The following APC variants were observed in gnomAD, a reference collection of about 807,000 sequenced individuals.
The protein encoded by APC is adenomatous polyposis coli protein.
Under a neutral mutation model 247.0 loss-of-function variants are expected in APC, and 72 were observed. The observed-to-expected ratio is 0.29, with a 90% CI of 0.24 to 0.35. The LOEUF (loss-of-function observed/expected upper bound fraction) is 0.35, where lower values mean the gene tolerates loss of function less well. APC is among the 10% of genes least tolerant of loss of function. The pLI, the probability that APC is intolerant of heterozygous loss-of-function variation, is 1.00. For missense variants in APC, 3,400 were observed against 3,360.7 expected (o/e 1.01, Z -0.29); for synonymous variants, 1,254 against 1,162.5 (o/e 1.08, Z -1.60).
intron 11 of APC, among the ~76,000 whole-genome samples, chr5:112,825,172 G>C (rs1012427584): frequency 6.6e-6 from 1 of 152,074 alleles, no homozygotes; most frequent in African/African-American, 2.4e-5. Flanking sequence ...CTTATCCCCT[G>C]CAAATAGCAA....
rs2149872897 is a variant in APC at position 112,838,174 on chromosome 5, A to G, written c.2580A>G (p.Leu860=). 1 of 1,614,198 alleles carries G rather than the reference A, an allele frequency of 6.2e-7. No homozygotes were observed. The highest frequency in any genetic ancestry group is 1.1e-5 in the South Asian group (1 of 91,082). The change falls in exon 16 of 16, where the codon CTA becomes CTG. Residue 860 remains leucine (L), a synonymous_variant. Transcript: ENST00000257430. ...RSLERERGIG[L]GNYHPATENP... ...TGGAGAGAGAACGCGGAATTGGTCT[A>G]GGCAACTACCATCCAGCAACAGAAA...
intron 6 of APC, among the ~76,000 whole-genome samples, 186 bp from the exon 7 acceptor site, chr5:112,792,256 GAAAA>G (rs1222298256): frequency 7.3e-5 from 11 of 151,376 alleles, no homozygotes; most frequent in African/African-American, 2.7e-4. Context: ...GAAAAAAAAA[GAAAA>G]AAAGAAAAGA....
intron 1 of APC, 146 bp downstream of exon 1, chr5:112,738,071 C>G (rs1474957205): frequency 2.0e-6 from 1 of 498,310 alleles, no homozygotes; most frequent in African/African-American, 2.1e-5. Context: ...CGTCGTCCCC[C>G]CGCCCCCCAC....
At chr5:112,766,114 A>T (rs1158430578) in intron 2 of APC, among the ~76,000 whole-genome samples, 3 of 151,894 alleles carry the variant, frequency 2.0e-5, no homozygotes, top group African/African-American at 7.2e-5. Context: ...TTGCACAGAG[A>T]CTCCCCATAA....
intron 6 of APC, among the ~76,000 whole-genome samples, chr5:112,787,267 T>G (rs928986882): frequency 1.3e-5 from 2 of 152,204 alleles, no homozygotes; most frequent in East Asian, 3.8e-4. Flanking sequence ...CAGTAAAACT[T>G]AATTTATAAA....
chr5:112,799,481 C>T (rs912837222), intron 7 of APC, among the ~76,000 whole-genome samples: 1 of 152,116 alleles, frequency 6.6e-6, no homozygotes, highest in African/African-American at 2.4e-5. Context: ...GTCACTGCTT[C>T]CCTAGTGCAT....
At chr5:112,720,841 C>T (rs1751443704) in intron 1 of APC, among the ~76,000 whole-genome samples, 3 of 152,120 alleles carry the variant, frequency 2.0e-5, no homozygotes, top group African/African-American at 4.8e-5. Flanking sequence ...CTATAATAAG[C>T]TGCTCTGGTA....
upstream of APC, among the ~76,000 whole-genome samples, chr5:112,734,329 C>G (rs187943582): frequency 9.2e-5 from 14 of 152,302 alleles, no homozygotes; most frequent in Admixed American, 8.5e-4. Flanking sequence ...TCACCTCGTT[C>G]TCGTATCCCA....
chr5:112,834,538 C>T (rs567208701), intron 14 of APC, among the ~76,000 whole-genome samples: 7 of 152,210 alleles, frequency 4.6e-5, no homozygotes, highest in South Asian at 2.1e-4. Context: ...CCACTGTGCC[C>T]GGCCACATGC....
At chr5:112,810,839 A>G (rs1477324681) in intron 8 of APC, among the ~76,000 whole-genome samples, 1 of 152,210 alleles carries the variant, frequency 6.6e-6, no homozygotes, top group Non-Finnish European at 1.5e-5. Context: ...AGCCTGGCCA[A>G]CATGGTGAAA....
chr5:112,758,670 A>C (rs1236225912), intron 2 of APC, among the ~76,000 whole-genome samples: 1 of 151,748 alleles, frequency 6.6e-6, no homozygotes, highest in South Asian at 2.1e-4. Flanking sequence ...CTTGTCGCCC[A>C]GGCTGGAGTG....
At chr5:112,806,567 T>G (rs1481384858) in intron 8 of APC, among the ~76,000 whole-genome samples, 1 of 149,574 alleles carries the variant, frequency 6.7e-6, no homozygotes, top group African/African-American at 2.5e-5. Flanking sequence ...TTTATTTATT[T>G]ATTTATTTAT....
intron 1 of APC, among the ~76,000 whole-genome samples, 192 bp from the exon 2 acceptor site, chr5:112,754,681 A>G (rs1373454099): frequency 6.6e-6 from 1 of 152,206 alleles, no homozygotes; most frequent in Non-Finnish European, 1.5e-5. Context: ...TTTATCTTGA[A>G]CTAAGACTCC....
rs773672742 is a variant in APC, at chr5:112,840,543, A to G, written c.4949A>G (p.Asn1650Ser). 6 of 1,614,110 alleles carry G rather than the reference A, an allele frequency of 3.7e-6. No individual in the cohort carries two copies. Among genetic ancestry groups the G allele is most frequent in the Non-Finnish European group, 5.1e-6 (6 of 1,180,002 alleles). Residue 1650 changes from asparagine (N) to serine (S), a missense_variant, in exon 16 of 16, where the codon AAC becomes AGC. This residue lies in a region of APC where 1,788 missense variants were observed against 1,649.5 expected (regional missense o/e 1.08). Coordinates refer to ENST00000257430, the MANE Select transcript of APC (RefSeq NM_000038.6). This position sits in a 1 kb window ranked among gnomAD's most constrained non-coding sequence, Gnocchi z 4.1. The part of the protein sequence containing the change: ...RVYCVEGTPI[N>S]FSTATSLSDL... ...TATTGTGTTGAAGGGACACCTATAA[A>G]CTTTTCCACAGCTACATCTCTAAGT...
At chr5:112,722,890 A>G (rs1421641770) in intron 1 of APC, among the ~76,000 whole-genome samples, 1 of 152,068 alleles carries the variant, frequency 6.6e-6, no homozygotes, top group East Asian at 1.9e-4. Flanking sequence ...TTGCATAGGT[A>G]TGATTGACAA....
intron 2 of APC, among the ~76,000 whole-genome samples, chr5:112,760,599 TATTAG>T (rs1755540139): frequency 6.6e-6 from 1 of 152,172 alleles, no homozygotes; most frequent in Admixed American, 6.5e-5. Context: ...AGGAAAGACC[TATTAG>T]AGGGAGACCT....
At chr5:112,738,011 C>T (rs1405927076) in intron 1 of APC, 86 bp downstream of exon 1, 1 of 879,918 alleles carries the variant, frequency 1.1e-6, no homozygotes, top group Non-Finnish European at 1.4e-6. Flanking sequence ...AACCGATGGC[C>T]TTTCCTTGGC....
rs763486328 is a variant in APC, at chr5:112,839,031, G to A, written c.3437G>A (p.Arg1146His). ...GATAAGCCTACCAATTATAGTGAAC[G>A]TTACTCTGAAGAAGAACAGCATGAA... ...EDDKPTNYSE[R>H]YSEEEQHEEE... is the part of the protein sequence containing the mutation. The change falls in exon 16 of 16, where the codon CGT becomes CAT. Residue 1146 changes from arginine to histidine, a missense_variant. Arg to His is a conservative substitution (Grantham distance 29, BLOSUM62 0). Transcript: ENST00000257430. This position sits in a 1 kb window ranked among gnomAD's most constrained non-coding sequence, Gnocchi z 5.0. 42 of 1,614,014 alleles carry A rather than the reference G, an allele frequency of 2.6e-5. No homozygotes were observed. Among genetic ancestry groups the A allele is most frequent in the Non-Finnish European group, 3.3e-5 (39 of 1,180,008 alleles).
rs1383334936 is a variant in APC, at chr5:112,839,872, C to T, written c.4278C>T (p.Ser1426=). 1 of 1,613,898 alleles carries T rather than the reference C, an allele frequency of 6.2e-7. No homozygotes were observed. Among genetic ancestry groups the T allele is most frequent in the Non-Finnish European group, 8.5e-7 (1 of 1,179,996 alleles). The change falls in exon 16 of 16, where the codon AGC becomes AGT. Residue 1426 remains serine (S), a synonymous_variant. Coordinates refer to ENST00000257430, the MANE Select transcript of APC (RefSeq NM_000038.6). The surrounding 1 kb of genome is among the most constrained non-coding windows in gnomAD (Gnocchi z 5.0). Reference sequence around the variant, plus strand: ...TAAGCCCCAGTGATCTTCCAGATAGCCCTGGACAAACCATGCCACCAAGCA... The same window carrying T: ...TAAGCCCCAGTGATCTTCCAGATAGTCCTGGACAAACCATGCCACCAAGCA... ...GIISPSDLPD[S]PGQTMPPSRS...
Sources: gnomAD v4.1 joint callset for allele counts (sites outside exome capture counted in the v4.1 genomes callset) on GRCh38, gnomAD v4.1.1 for gene constraint, gnomAD v4.1.1 regional missense constraint, Gnocchi (gnomAD v3.1) non-coding constraint, MANE v1.5 for transcripts, NCBI Gene and HGNC (gene_info 2026-07-23, HGNC 2026-07-21) for gene names.